Variants in ATP6V1H observed in about 807,000 individuals in gnomAD.
ATP6V1H encodes the protein ATPase H+ transporting V1 subunit H.
ATP6V1H carries 39 observed loss-of-function variants against 71.7 expected under a neutral mutation model. That is an observed-to-expected ratio of 0.54 (90% CI 0.42 to 0.71). The LOEUF (loss-of-function observed/expected upper bound fraction) is 0.71. Among genes scored for constraint, ATP6V1H ranks in the 30% least tolerant of loss-of-function variants. The pLI is 0.00. For missense variants in ATP6V1H, 509 were observed against 594.9 expected (o/e 0.86, Z 1.50); for synonymous variants, 192 against 199.3 (o/e 0.96, Z 0.31).
intron 13 of ATP6V1H, among the ~76,000 whole-genome samples, chr8:53,730,247 T>A (rs1171158840): frequency 6.6e-6 from 1 of 152,212 alleles, no homozygotes. Context: ...TTGTCACATG[T>A]CTCCTTATAT....
chr8:53,755,157 G>C (rs1281450635), intron 12 of ATP6V1H, among the ~76,000 whole-genome samples: 2 of 152,128 alleles, frequency 1.3e-5, no homozygotes, highest in Non-Finnish European at 2.9e-5. Context: ...GTTTTCCTTT[G>C]AGGAAAGCTC....
At chr8:53,727,223 G>A (rs1016697840) in intron 13 of ATP6V1H, among the ~76,000 whole-genome samples, 3 of 152,280 alleles carry the variant, frequency 2.0e-5, no homozygotes, top group South Asian at 4.2e-4. Flanking sequence ...TGGCCTTCTC[G>A]CTGCTGCACC....
Position 53,795,644 on chromosome 8 carries a change from T to C in ATP6V1H, c.870+3A>G. ...TACACACAAACCAACATAAAACACT[T>C]ACACGAAATGCTGCAAGAATGATTC... On this transcript the variant is annotated splice_donor_region_variant and intron_variant, in intron 9 of 13. Transcript: ENST00000359530. 1 of 1,612,366 alleles carries C rather than the reference T, an allele frequency of 6.2e-7. No individual in the cohort carries two copies. Among genetic ancestry groups the C allele is most frequent in the Non-Finnish European group, 8.5e-7 (1 of 1,179,510 alleles).
At chr8:53,748,440 G>C (rs1229686104) in intron 12 of ATP6V1H, among the ~76,000 whole-genome samples, 1 of 152,130 alleles carries the variant, frequency 6.6e-6, no homozygotes, top group Admixed American at 6.5e-5. Context: ...AAATCTATTT[G>C]AAGGGGCCAG....
intron 7 of ATP6V1H, among the ~76,000 whole-genome samples, chr8:53,807,838 A>T (rs1384704949): frequency 6.6e-6 from 1 of 152,240 alleles, no homozygotes; most frequent in Admixed American, 6.5e-5. Context: ...TTTAAAACTA[A>T]ATAAAATTGA....
chr8:53,747,224 CA>C (rs1359935754), intron 12 of ATP6V1H, among the ~76,000 whole-genome samples: 2 of 152,072 alleles, frequency 1.3e-5, no homozygotes, highest in African/African-American at 2.4e-5. Flanking sequence ...AATGATATCA[CA>C]CTATAACATA....
In ATP6V1H at chr8:53,804,771, A is replaced by G. The variant is rs147548059; in HGVS notation, c.580-2875T>C. Among the ~76,000 whole-genome samples, 337 of 151,752 alleles carry G rather than the reference A, an allele frequency of 2.2e-3. 2 individuals are homozygous for G. The highest frequency in any genetic ancestry group is 7.9e-3 in the African/African-American group (326 of 41,034). ...TCTTTGTACTGTGCCAAGCATTCTG[A>G]GCTAAGAACTTGCTACAACATGCAC... On this transcript the variant is annotated intron_variant, in intron 7 of 13. Transcript: ENST00000359530.
intron 6 of ATP6V1H, among the ~76,000 whole-genome samples, chr8:53,811,916 A>C (rs1004186985): frequency 1.8e-4 from 28 of 152,104 alleles, no homozygotes; most frequent in Non-Finnish European, 2.9e-4. Flanking sequence ...AAACATCTAA[A>C]CTTGCAGCTA....
intron 9 of ATP6V1H, among the ~76,000 whole-genome samples, chr8:53,793,671 GC>G (rs1214208111): frequency 2.6e-5 from 4 of 152,086 alleles, no homozygotes; most frequent in African/African-American, 9.7e-5. Flanking sequence ...GGGTACAGTG[GC>G]TCATGCCTGT....
intron 12 of ATP6V1H, among the ~76,000 whole-genome samples, chr8:53,753,769 C>T (rs745429216): frequency 1.3e-5 from 2 of 152,094 alleles, no homozygotes; most frequent in Non-Finnish European, 2.9e-5. Context: ...CTTTAATTTT[C>T]CATAGTAAAA....
chr8:53,790,062 A>G (rs955744723), intron 9 of ATP6V1H, among the ~76,000 whole-genome samples: 1 of 152,248 alleles, frequency 6.6e-6, no homozygotes, highest in African/African-American at 2.4e-5. Context: ...AAGTTTATTA[A>G]CAACTTCCAA....
intron 13 of ATP6V1H, among the ~76,000 whole-genome samples, chr8:53,737,057 A>G (rs1216586278): frequency 2.0e-5 from 3 of 152,176 alleles, no homozygotes; most frequent in Non-Finnish European, 4.4e-5. Context: ...ATTGATCACA[A>G]TCCTTTCACA....
At chr8:53,772,293 T>A (rs1808690953) in intron 9 of ATP6V1H, 126 bp from the exon 10 acceptor site, 1 of 714,964 alleles carries the variant, frequency 1.4e-6, no homozygotes, top group Non-Finnish European at 2.3e-6. Context: ...CACCTTTAAG[T>A]GGATGACTCT....
At chr8:53,823,378 C>T (rs546803377) in intron 4 of ATP6V1H, among the ~76,000 whole-genome samples, 24 of 152,078 alleles carry the variant, frequency 1.6e-4, no homozygotes, top group East Asian at 9.6e-4. Flanking sequence ...TGAAAGGGAA[C>T]GCAGAAACTG....
At chr8:53,829,396 T>C (rs111468337) in intron 4 of ATP6V1H, 48 bp downstream of exon 4, 38 of 1,211,394 alleles carry the variant, frequency 3.1e-5, no homozygotes, top group African/African-American at 2.7e-4. Flanking sequence ...CTGTGAGGTA[T>C]GCAAAAAAAT....
intron 12 of ATP6V1H, among the ~76,000 whole-genome samples, chr8:53,745,548 T>C (rs529855985): frequency 2.0e-5 from 3 of 152,288 alleles, no homozygotes; most frequent in Non-Finnish European, 2.9e-5. Context: ...AGGCCTGAGC[T>C]AGCAGCCAAC....
At chr8:53,840,948 T>C (rs6473893) in intron 2 of ATP6V1H, among the ~76,000 whole-genome samples, 37,365 of 152,068 alleles carry the variant, frequency 0.25, 8,917 homozygotes, top group African/African-American at 0.61. Flanking sequence ...TATTAATACA[T>C]ACAAGAAAGA....
At chr8:53,796,958 T>A (rs1170998321) in intron 8 of ATP6V1H, among the ~76,000 whole-genome samples, 1 of 152,282 alleles carries the variant, frequency 6.6e-6, no homozygotes, top group African/African-American at 2.4e-5. Flanking sequence ...GTTCACTAAT[T>A]GTTTTTAATG....
intron 12 of ATP6V1H, among the ~76,000 whole-genome samples, chr8:53,744,304 C>T (rs1383891478): frequency 1.3e-5 from 2 of 151,984 alleles, no homozygotes; most frequent in African/African-American, 4.8e-5. Context: ...GACTGACAAC[C>T]GACACTGCTT....
Sources: gnomAD v4.1 joint callset for allele counts (sites outside exome capture counted in the v4.1 genomes callset) on GRCh38, gnomAD v4.1.1 for gene constraint, MANE v1.5 for transcripts, NCBI Gene and HGNC (gene_info 2026-07-23, HGNC 2026-07-21) for gene names.